Variants in TMC1 observed in about 807,000 individuals in gnomAD.
TMC1 encodes the protein transmembrane channel like 1, also known as transmembrane channel-like protein 1.
A neutral mutation model predicts 105.8 loss-of-function variants in TMC1; 84 were observed. The ratio of observed to expected loss-of-function variants is 0.79; its 90% CI spans 0.67 to 0.95. The LOEUF is 0.95. Among genes scored for constraint, TMC1 ranks in the 40% least tolerant of loss-of-function variants. The pLI is 0.00. For missense variants in TMC1, 817 were observed against 914.1 expected (o/e 0.89, Z 1.37); for synonymous variants, 315 against 311.5 (o/e 1.01, Z -0.12).
intron 13 of TMC1, among the ~76,000 whole-genome samples, chr9:72,786,368 C>T (rs1428041158): frequency 6.6e-6 from 1 of 152,110 alleles, no homozygotes; most frequent in African/African-American, 2.4e-5. Flanking sequence ...GGCGTGATCC[C>T]GGGAGGCGGA....
chr9:72,801,364 A>G (rs111561017), intron 17 of TMC1, among the ~76,000 whole-genome samples: 2 of 152,256 alleles, frequency 1.3e-5, no homozygotes, highest in African/African-American at 4.8e-5. Context: ...GATACGTTAT[A>G]TTATTATTTC....
chr9:72,720,106 C>T (rs541610001), intron 8 of TMC1, among the ~76,000 whole-genome samples: 48 of 152,108 alleles, frequency 3.2e-4, no homozygotes, highest in Non-Finnish European at 4.1e-4. Flanking sequence ...CCCTCTTAAC[C>T]CTCCTTCAAG....
At chr9:72,732,727 G>A (rs2589610) in intron 8 of TMC1, among the ~76,000 whole-genome samples, 34,745 of 152,052 alleles carry the variant, frequency 0.23, 4,291 homozygotes, top group East Asian at 0.39. Context: ...GAAACTGGGA[G>A]CACTGAGCTC....
chr9:72,798,431 A>G lies in TMC1; in HGVS notation c.1566+6079A>G, dbSNP rs369576172. On this transcript the variant is annotated intron_variant, in intron 17 of 23. Coordinates refer to ENST00000297784, the MANE Select transcript of TMC1 (RefSeq NM_138691.3). ...GTGAATGTTCATTGCAGCACTATTCACAATAGCAAATACACGGAATCAACC... is the reference window on the plus strand; with the variant it reads ...GTGAATGTTCATTGCAGCACTATTCGCAATAGCAAATACACGGAATCAACC... Among the ~76,000 whole-genome samples the G allele has an allele frequency of 4.8e-4, 73 of 152,268 alleles. No homozygotes were observed. In the East Asian group the frequency reaches 5.2e-3, roughly 11 times the overall value.
chr9:72,697,446 T>C (rs1003912724), intron 7 of TMC1, among the ~76,000 whole-genome samples: 1 of 152,116 alleles, frequency 6.6e-6, no homozygotes, highest in Admixed American at 6.6e-5. Context: ...ACAAAGTAGC[T>C]TGGAGTCTCA....
chr9:72,698,566 G>C (rs868361843), intron 7 of TMC1, among the ~76,000 whole-genome samples: 1 of 152,130 alleles, frequency 6.6e-6, no homozygotes, highest in Non-Finnish European at 1.5e-5. Context: ...ATTGAACAGA[G>C]AGAATTTAAT....
chr9:72,541,286 C>T (rs144426147), intron 1 of TMC1, among the ~76,000 whole-genome samples: 108 of 152,288 alleles, frequency 7.1e-4, no homozygotes, highest in African/African-American at 2.4e-3. Flanking sequence ...AAACTTAAGA[C>T]TTGTTGGTGC....
At chr9:72,639,851 T>C (rs1020720818) in intron 4 of TMC1, among the ~76,000 whole-genome samples, 1 of 152,210 alleles carries the variant, frequency 6.6e-6, no homozygotes, top group Non-Finnish European at 1.5e-5. Flanking sequence ...AAAATGGCCA[T>C]AGCTTTTTTC....
At chr9:72,617,157 T>G (rs1825148135) in intron 3 of TMC1, among the ~76,000 whole-genome samples, 1 of 152,090 alleles carries the variant, frequency 6.6e-6, no homozygotes, top group African/African-American at 2.4e-5. Flanking sequence ...CTCTCTCTTT[T>G]TATTTTTATT....
At chr9:72,535,116 G>A (rs531132245) in intron 1 of TMC1, among the ~76,000 whole-genome samples, 69 of 152,092 alleles carry the variant, frequency 4.5e-4, no homozygotes, top group South Asian at 2.7e-3. Flanking sequence ...GCTGCTTAAC[G>A]CTATATTTAT....
intron 13 of TMC1, among the ~76,000 whole-genome samples, chr9:72,786,675 G>T (rs1828172910): frequency 6.6e-6 from 1 of 152,130 alleles, no homozygotes; most frequent in African/African-American, 2.4e-5. Flanking sequence ...AGCTATCATG[G>T]CCATATCTCA....
intron 2 of TMC1, among the ~76,000 whole-genome samples, chr9:72,596,351 GT>G (rs1824720087): frequency 6.6e-6 from 1 of 152,096 alleles, no homozygotes; most frequent in Non-Finnish European, 1.5e-5. Flanking sequence ...ACAATTCAGT[GT>G]TCCAGTCTTG....
At chr9:72,793,536 C>T (rs982978354) in intron 17 of TMC1, among the ~76,000 whole-genome samples, 1 of 152,194 alleles carries the variant, frequency 6.6e-6, no homozygotes, top group Non-Finnish European at 1.5e-5. Context: ...AAATGGGTCT[C>T]CTATCCCTTT....
At chr9:72,694,754 G>A (rs192277813) in intron 7 of TMC1, 40 bp downstream of exon 7, 2 of 1,568,728 alleles carry the variant, frequency 1.3e-6, no homozygotes, top group Non-Finnish European at 1.7e-6. Context: ...TTCCAATGCT[G>A]AAGAAGATCA....
chr9:72,789,409 C>A, intron 15 of TMC1, 92 bp downstream of exon 15: 1 of 1,246,128 alleles, frequency 8.0e-7, no homozygotes, highest in Non-Finnish European at 1.2e-6. Flanking sequence ...AAAAAGGCCA[C>A]CCTTTACCTA....
At chr9:72,536,525 G>C (rs1823588655) in intron 1 of TMC1, among the ~76,000 whole-genome samples, 1 of 152,108 alleles carries the variant, frequency 6.6e-6, no homozygotes, top group Non-Finnish European at 1.5e-5. Flanking sequence ...GTAGAGACGG[G>C]GTTTCACTGT....
At chr9:72,547,951 C>CGTCTTCTT (rs1564402573) in intron 1 of TMC1, among the ~76,000 whole-genome samples, 2 of 152,104 alleles carry the variant, frequency 1.3e-5, no homozygotes, top group South Asian at 2.1e-4. Flanking sequence ...TGCAGATGGC[C>CGTCTTCTT]GTCTTCTTGT....
At chr9:72,658,459 G>A (rs965329503) in intron 5 of TMC1, among the ~76,000 whole-genome samples, 19 of 152,118 alleles carry the variant, frequency 1.2e-4, no homozygotes, top group African/African-American at 4.3e-4. Flanking sequence ...TACGGGTAGA[G>A]TTCCATAAAT....
intron 5 of TMC1, among the ~76,000 whole-genome samples, chr9:72,668,219 C>T (rs898556376): frequency 3.3e-5 from 5 of 152,160 alleles, no homozygotes; most frequent in South Asian, 2.1e-4. Context: ...ATGATCACAA[C>T]ATTCCTATGA....
Sources: allele counts gnomAD v4.1 joint callset (sites outside exome capture counted in the v4.1 genomes callset), GRCh38; gene constraint gnomAD v4.1.1; transcripts MANE v1.5; gene names NCBI Gene and HGNC (gene_info 2026-07-23, HGNC 2026-07-21).